The following CUBN variants were observed in gnomAD, a reference collection of about 807,000 sequenced individuals.
CUBN encodes cubilin.
CUBN carries 282 observed loss-of-function variants against 405.3 expected under a neutral mutation model. The observed-to-expected ratio is 0.70, with a 90% confidence interval of 0.63 to 0.77. The LOEUF is 0.77. Ranked by LOEUF, CUBN falls within the 30% of genes least tolerant of loss-of-function variation. CUBN has a pLI of 0.00. For synonymous variants in CUBN, 1,684 were observed against 1,617.0 expected (o/e 1.04, Z -0.99); for missense variants, 4,514 against 4,475.2 (o/e 1.01, Z -0.25).
chr10:16,859,847 T>G (rs1839966380), intron 59 of CUBN, among the ~76,000 whole-genome samples: 1 of 152,206 alleles, frequency 6.6e-6, no homozygotes, highest in Non-Finnish European at 1.5e-5. Context: ...AAAAATGTTT[T>G]GTGTACCTAT....
Position 16,906,388 on chromosome 10 carries a change from T to C in CUBN, c.7727A>G (p.Asn2576Ser), listed in dbSNP as rs1245601227. 1.2e-6 allele frequency: 2 copies of C among 1,613,724 alleles called. No individual in the cohort carries two copies. The highest frequency in any genetic ancestry group is 1.7e-5 in the Admixed American group (1 of 60,010). The stretch of plus-strand genomic sequence containing the variant: ...AGAAGTAAAGTTTCCTTCAGGAGTA[T>C]TTGGAAGAGACCCACCACACACTAA... ...EDAVCGGSLP[N>S]TPEGNFTSPG... Residue 2576 changes from asparagine to serine, a missense_variant, in exon 50 of 67, where the codon AAT becomes AGT. By Grantham distance (46) the Asn-to-Ser change is conservative (BLOSUM62 1). Around this residue, in one of 5 missense-constraint regions of CUBN, gnomAD observed 1,613 missense variants for 1,542.8 expected, o/e 1.05. Coordinates refer to ENST00000377833, the MANE Select transcript of CUBN (RefSeq NM_001081.4).
At chr10:16,981,799 A>T (rs1512703) in intron 31 of CUBN, among the ~76,000 whole-genome samples, 1 of 151,846 alleles carries the variant, frequency 6.6e-6, no homozygotes. Context: ...TAAAGGAGTC[A>T]AGGAAACCCT....
intron 43 of CUBN, among the ~76,000 whole-genome samples, chr10:16,924,431 C>A (rs1282925424): frequency 6.6e-6 from 1 of 152,096 alleles, no homozygotes; most frequent in African/African-American, 2.4e-5. Context: ...TCTTATTCAT[C>A]TCTTTTACCA....
chr10:16,928,256 T>G lies in CUBN; in HGVS notation c.6172A>C (p.Ile2058Leu). The G allele has an allele frequency of 6.2e-7, 1 of 1,613,946 alleles. No homozygotes were observed. Among genetic ancestry groups the G allele is most frequent in the Non-Finnish European group, 8.5e-7 (1 of 1,179,890 alleles). The change falls in exon 41 of 67, where the codon ATC becomes CTC. Residue 2058 changes from isoleucine to leucine, a missense_variant. Ile to Leu is a conservative substitution (Grantham distance 5). Transcript: ENST00000377833. ...CCAGTAGACCGGATGGGCCCAGGGA[T>G]CTCTCTGCCACAGAGAACTGCTAGC... Reference protein sequence around the residue: ...QQLAVLCGREIPGPIRSTGEY... With the variant: ...QQLAVLCGRELPGPIRSTGEY...
At chr10:17,121,894 A>G (rs1837050457) in intron 6 of CUBN, 1 of 152,218 alleles carries the variant, frequency 6.6e-6, no homozygotes, top group Non-Finnish European at 1.5e-5. Flanking sequence ...TGTTCATTCT[A>G]TAGCAGAATT....
intron 39 of CUBN, among the ~76,000 whole-genome samples, chr10:16,936,660 T>A (rs1207914484): frequency 6.6e-6 from 1 of 152,198 alleles, no homozygotes; most frequent in African/African-American, 2.4e-5. Context: ...GATTAATTTC[T>A]TCTATGTCAA....
Position 16,916,017 on chromosome 10 carries a change from TC to T in CUBN, c.7013del (p.Gly2338GlufsTer82), listed in dbSNP as rs1588646655. The T allele has an allele frequency of 9.3e-6, 15 of 1,613,632 alleles. No homozygotes were observed. The highest frequency in any genetic ancestry group is 1.3e-5 in the Non-Finnish European group (15 of 1,179,844). On this transcript the variant is annotated frameshift_variant, in exon 46 of 67. Transcript: ENST00000377833. LOFTEE classifies it high-confidence loss of function. ...CAACACCACTTTGCCCTGGTACTCT[TC>T]CCCCACACTGAGCTGCAAAAAATAA... ...KAKYSIAQCG[G>X]RVPGQSGVVE...
chr10:16,872,362 A>ATATATG (rs1840383427), intron 58 of CUBN, among the ~76,000 whole-genome samples: 1 of 151,532 alleles, frequency 6.6e-6, no homozygotes, highest in Non-Finnish European at 1.5e-5. Flanking sequence ...ATATATATAG[A>ATATATG]TAGATAGACA....
At position 16,851,400 on chromosome 10, in the gene CUBN, A is replaced by AT; in HGVS notation, c.9497dup (p.Asn3166LysfsTer7). 6.2e-7 allele frequency: 1 copy of AT among 1,614,132 alleles called. No homozygotes were observed. Among genetic ancestry groups the AT allele is most frequent in the Non-Finnish European group, 8.5e-7 (1 of 1,180,010 alleles). On this transcript the variant is annotated frameshift_variant, in exon 60 of 67. Transcript: ENST00000377833. LOFTEE classifies it high-confidence loss of function. Reference sequence around the variant, plus strand: ...AATCAGAATCAGGAGAGGCAAAGGTATTATTCGAGCCTGTCAGATAACCAC... The same window carrying AT: ...AATCAGAATCAGGAGAGGCAAAGGTATTTATTCGAGCCTGTCAGATAACCAC...
intron 36 of CUBN, among the ~76,000 whole-genome samples, chr10:16,946,490 C>CTTTT (rs775415655): frequency 8.3e-6 from 1 of 121,072 alleles, no homozygotes; most frequent in Non-Finnish European, 1.7e-5. Context: ...AAAACCATTC[C>CTTTT]TTTTTTTTTT....
At chr10:16,877,544 T>C (rs1840547546) in intron 56 of CUBN, among the ~76,000 whole-genome samples, 1 of 152,122 alleles carries the variant, frequency 6.6e-6, no homozygotes, top group Non-Finnish European at 1.5e-5. Context: ...CACAAAAAAC[T>C]ACCTAGCCCA....
rs1183408819 is a variant in CUBN at position 17,104,275 on chromosome 10, A to G, written c.1417+144T>C. 1.3e-5 allele frequency: 9 copies of G among 687,576 alleles called. No homozygotes were observed. In the African/African-American group the frequency reaches 1.4e-4, roughly 11 times the overall value. 42.6% of individuals were successfully genotyped at this position (687,576 alleles called of 1,614,324 possible). On this transcript the variant is annotated intron_variant, in intron 12 of 66. Transcript: ENST00000377833. ...ATATTTAGCTTGTGAATTTTATACCATTTCTGCAAGGAAAGACTTAGTTCT... is the reference window on the plus strand; with the variant it reads ...ATATTTAGCTTGTGAATTTTATACCGTTTCTGCAAGGAAAGACTTAGTTCT...
chr10:17,097,380 C>T (rs137927135), intron 14 of CUBN, among the ~76,000 whole-genome samples: 1 of 151,972 alleles, frequency 6.6e-6, no homozygotes, highest in African/African-American at 2.4e-5. Flanking sequence ...CTGAATAGAT[C>T]TATATTAAAT....
chr10:16,930,853 T>C (rs1353823574), intron 40 of CUBN, among the ~76,000 whole-genome samples: 2 of 152,232 alleles, frequency 1.3e-5, no homozygotes, highest in Admixed American at 6.5e-5. Flanking sequence ...TAAGTATCTT[T>C]GTCTGTGGCC....
intron 33 of CUBN, among the ~76,000 whole-genome samples, chr10:16,951,440 G>C (rs1275725155): frequency 1.3e-5 from 2 of 152,162 alleles, no homozygotes; most frequent in East Asian, 1.9e-4. Context: ...TCACACAGGC[G>C]ATTAATTACT....
chr10:16,888,659 T>C (rs975762210), intron 55 of CUBN, 93 bp from the exon 56 acceptor site: 5 of 1,055,744 alleles, frequency 4.7e-6, no homozygotes, highest in South Asian at 2.5e-5. Context: ...AAATTATCTA[T>C]AGACATAGTT....
chr10:16,906,762 C>A (rs1324254895), intron 49 of CUBN, among the ~76,000 whole-genome samples: 2 of 152,086 alleles, frequency 1.3e-5, no homozygotes, highest in Non-Finnish European at 2.9e-5. Flanking sequence ...GCTTGATTAG[C>A]AATTCTCCAC....
chr10:16,825,712 TA>T (rs1251383039), intron 66 of CUBN, among the ~76,000 whole-genome samples: 2 of 151,594 alleles, frequency 1.3e-5, no homozygotes, highest in Non-Finnish European at 2.9e-5. Flanking sequence ...TCTCACTTTC[TA>T]TTCATTCATT....
chr10:17,057,149 T>G (rs1835413769), intron 22 of CUBN, among the ~76,000 whole-genome samples: 1 of 152,144 alleles, frequency 6.6e-6, no homozygotes, highest in Admixed American at 6.5e-5. Flanking sequence ...AATTCAAGGG[T>G]GAGCTGGTGG....
Sources: gnomAD v4.1 joint callset for allele counts (sites outside exome capture counted in the v4.1 genomes callset) on GRCh38, gnomAD v4.1.1 for gene constraint, gnomAD v4.1.1 regional missense constraint, MANE v1.5 for transcripts, NCBI Gene and HGNC (gene_info 2026-07-23, HGNC 2026-07-21) for gene names.